CWC15: variants seen among roughly 807,000 people sequenced by gnomAD.
The protein encoded by CWC15 is CWC15 spliceosome associated protein.
In CWC15, 12 loss-of-function variants were observed where a neutral mutation model predicts 28.4. The observed-to-expected ratio is 0.42, with a 90% CI of 0.27 to 0.69. The LOEUF (loss-of-function observed/expected upper bound fraction) is 0.69. CWC15 is among the 30% of genes least tolerant of loss of function. The probability of loss-of-function intolerance (pLI) is 0.23; values close to 1 mark genes in which losing one functional copy is unlikely to be tolerated. For missense variants in CWC15, 192 were observed against 271.5 expected (o/e 0.71, Z 2.06); for synonymous variants, 92 against 88.4 (o/e 1.04, Z -0.23).
chr11:94,966,290 A>G lies in CWC15; in HGVS notation c.560+5T>C, dbSNP rs781891590. The G allele has an allele frequency of 2.1e-6, 3 of 1,450,754 alleles. 1 individual carries two copies. The highest frequency in any genetic ancestry group is 3.9e-5 in the Admixed American group (2 of 50,822). 89.9% of individuals were successfully genotyped at this position (1,450,754 alleles called of 1,614,324 possible). A position where few individuals can be genotyped will look rare whatever the true frequency, so the allele number is the denominator to read the frequency against. On this transcript the variant is annotated splice_donor_5th_base_variant and intron_variant, in intron 6 of 6. Coordinates refer to ENST00000279839, the MANE Select transcript of CWC15 (RefSeq NM_016403.4). ...ACACTCCATTACTCCGTTACTGTAT[A>G]GTACCTTCTTTTAACTTTGAAGTTG...
At position 94,969,984 on chromosome 11, in the gene CWC15, T is replaced by G. The variant is rs782133500; in HGVS notation, c.441+5A>C. 7 of 1,514,774 alleles carry G rather than the reference T, an allele frequency of 4.6e-6. No individual in the cohort carries two copies. In the African/African-American group the frequency reaches 8.5e-5, roughly 18 times the overall value. 93.8% of individuals were successfully genotyped at this position (1,514,774 alleles called of 1,614,324 possible). ...AGATGTAAATATTTAATACTTTGGTTTTACCTTCCTGGCCTGCTCTTCAGC... is the reference window on the plus strand; with the variant it reads ...AGATGTAAATATTTAATACTTTGGTGTTACCTTCCTGGCCTGCTCTTCAGC... On this transcript the variant is annotated splice_donor_5th_base_variant and intron_variant, in intron 5 of 6. Coordinates refer to ENST00000279839, the MANE Select transcript of CWC15 (RefSeq NM_016403.4).
chr11:94,970,427 C>T (rs1857703337), intron 4 of CWC15: 1 of 195,976 alleles, frequency 5.1e-6, no homozygotes, highest in Non-Finnish European at 1.0e-5. Context: ...TCAGGTTTTT[C>T]ACTGTCCTGT....
chr11:94,967,137 C>T (rs1318126658), intron 5 of CWC15, among the ~76,000 whole-genome samples: 3 of 151,836 alleles, frequency 2.0e-5, no homozygotes, highest in Non-Finnish European at 4.4e-5. Context: ...CCTCCACCTC[C>T]CAGGTTCAAG....
chr11:94,966,548 T>TC (rs1258328249), intron 5 of CWC15, 135 bp from the exon 6 acceptor site: 1 of 382,176 alleles, frequency 2.6e-6, no homozygotes, highest in Admixed American at 4.7e-5. Context: ...AGGCAGGCTT[T>TC]TTTTTTTTTT....
intron 4 of CWC15, 103 bp downstream of exon 4, chr11:94,970,874 T>C: frequency 5.2e-6 from 5 of 966,600 alleles, no homozygotes; most frequent in Non-Finnish European, 8.4e-6. Flanking sequence ...TAACAGTAAC[T>C]AAACATAAAT....
chr11:94,965,196 AG>A (rs1233126486), intron 6 of CWC15, among the ~76,000 whole-genome samples: 1 of 152,226 alleles, frequency 6.6e-6, no homozygotes, highest in African/African-American at 2.4e-5. Flanking sequence ...AAGGGAAAGC[AG>A]TCAGCAGTAC....
intron 2 of CWC15, among the ~76,000 whole-genome samples, 158 bp downstream of exon 2, chr11:94,971,897 A>G (rs1857727391): frequency 6.6e-6 from 1 of 152,202 alleles, no homozygotes; most frequent in East Asian, 1.9e-4. Context: ...TTCACATTTT[A>G]AAATCACAGC....
At chr11:94,964,166 TATAGAAA>T (rs782332660) in intron 6 of CWC15, among the ~76,000 whole-genome samples, 11 of 152,160 alleles carry the variant, frequency 7.2e-5, no homozygotes, top group Non-Finnish European at 1.3e-4. Context: ...ATACATGTGT[TATAGAAA>T]ATAAAGAGCA....
intron 5 of CWC15, among the ~76,000 whole-genome samples, chr11:94,967,602 TA>T (rs34420332): frequency 7.9e-5 from 12 of 152,324 alleles, no homozygotes; most frequent in Admixed American, 5.2e-4. Context: ...GGAAGTCATT[TA>T]AAAAAAGTTA....
intron 3 of CWC15, 31 bp from the exon 4 acceptor site, chr11:94,971,096 T>C (rs372692227): frequency 1.9e-6 from 3 of 1,545,856 alleles, no homozygotes; most frequent in Non-Finnish European, 2.7e-6. Flanking sequence ...TTTAACTTAG[T>C]AAAACAAATA....
At chr11:94,967,609 A>G (rs1857663869) in intron 5 of CWC15, among the ~76,000 whole-genome samples, 1 of 152,252 alleles carries the variant, frequency 6.6e-6, no homozygotes, top group Non-Finnish European at 1.5e-5. Context: ...ATTTAAAAAA[A>G]GTTATTATTT....
rs1349536602 is a variant in CWC15 at position 94,966,379 on chromosome 11, C to A, written c.476G>T (p.Arg159Leu). 1.3e-6 allele frequency: 2 copies of A among 1,554,828 alleles called. No homozygotes were observed. The highest frequency in any genetic ancestry group is 1.7e-6 in the Non-Finnish European group (2 of 1,148,356). ...QEQKAEEERIRMENILSGNPL... is the reference protein window; with the variant it reads ...QEQKAEEERILMENILSGNPL... ...GTTTCCGCTCAGAATGTTTTCCATA[C>A]GAATCCTCTCTTCTTCAGCTTTTTG... The change falls in exon 6 of 7, where the codon CGT (arginine) becomes CTT (leucine). Residue 159 changes from arginine (R) to leucine (L), a missense_variant. Arg to Leu is a moderately radical substitution (Grantham distance 102, BLOSUM62 -2). This residue lies in a region of CWC15 where 188 missense variants were observed against 250.3 expected (regional missense o/e 0.75). Transcript: ENST00000279839.
At chr11:94,968,263 T>C (rs1555095613) in intron 5 of CWC15, among the ~76,000 whole-genome samples, 1 of 152,220 alleles carries the variant, frequency 6.6e-6, no homozygotes, top group Non-Finnish European at 1.5e-5. Flanking sequence ...ATTTACTACC[T>C]GGCCCTTTAC....
At chr11:94,966,544 G>GA in intron 5 of CWC15, 131 bp from the exon 6 acceptor site, 2 of 375,202 alleles carry the variant, frequency 5.3e-6, no homozygotes, top group Non-Finnish European at 9.1e-6. Flanking sequence ...ATCAAGGCAG[G>GA]CTTTTTTTTT....
At position 94,971,450 on chromosome 11, in the gene CWC15, G is replaced by A. The variant is rs782672806; in HGVS notation, c.169C>T (p.Arg57Cys). The change falls in exon 3 of 7, where the codon CGT becomes TGT. Residue 57 changes from arginine (R) to cysteine (C), a missense_variant. Physicochemically the swap from Arg to Cys is radical, Grantham distance 180. This residue lies in a region of CWC15 where 188 missense variants were observed against 250.3 expected (regional missense o/e 0.75). Transcript: ENST00000279839. ...TQDAPEEVRN[R>C]DFRRELEERE... ...TCTTCCAACTCTCTCCTGAAGTCAC[G>A]GTTACGAACCTCTTCAGGGGCATCC... The A allele has an allele frequency of 4.3e-6, 7 of 1,611,982 alleles. No individual in the cohort carries two copies. Among genetic ancestry groups the A allele is most frequent in the Non-Finnish European group, 5.9e-6 (7 of 1,179,008 alleles).
rs587638629 is a variant in CWC15, at chr11:94,966,523, G to A, written c.442-110C>T. On this transcript the variant is annotated intron_variant, in intron 5 of 6. Transcript: ENST00000279839. ...CAAAACTGATCATTAGGATTTTATG[G>A]CAACAAAAGCATCAAGGCAGGCTTT... is the stretch of plus-strand genomic sequence containing the variant. The A allele has an allele frequency of 4.3e-3, 2,344 of 549,268 alleles. 21 individuals are homozygous for A. The highest frequency in any genetic ancestry group is 4.5e-3 in the Non-Finnish European group (1,544 of 340,076). 34.0% of individuals were successfully genotyped at this position (549,268 alleles called of 1,614,324 possible). A position where few individuals can be genotyped will look rare whatever the true frequency, so the allele number is the denominator to read the frequency against.
At chr11:94,971,611 G>T in intron 2 of CWC15, 124 bp from the exon 3 acceptor site, 1 of 609,728 alleles carries the variant, frequency 1.6e-6, no homozygotes, top group Non-Finnish European at 2.9e-6. Context: ...AAAAAGGGAA[G>T]TAGACAAGAT....
At chr11:94,971,510 CA>C in intron 2 of CWC15, 23 bp from the exon 3 acceptor site, 1 of 1,439,280 alleles carries the variant, frequency 6.9e-7, no homozygotes. Flanking sequence ...CAAACCAGGG[CA>C]AAAATGTTAC....
intron 6 of CWC15, 84 bp downstream of exon 6, chr11:94,966,211 A>G: frequency 1.2e-6 from 1 of 803,610 alleles, no homozygotes; most frequent in Non-Finnish European, 1.9e-6. Context: ...GCCTGTGTGT[A>G]TACACATACA....
Sources: allele counts gnomAD v4.1 joint callset (sites outside exome capture counted in the v4.1 genomes callset), GRCh38; gene constraint gnomAD v4.1.1; regional missense constraint gnomAD v4.1.1; transcripts MANE v1.5; gene names NCBI Gene and HGNC (gene_info 2026-07-23, HGNC 2026-07-21).